The following DPY19L4 variants were observed in gnomAD, a reference collection of about 807,000 sequenced individuals.
The protein encoded by DPY19L4 is probable C-mannosyltransferase DPY19L4.
DPY19L4 carries 97 observed loss-of-function variants against 102.8 expected under a neutral mutation model. The ratio of observed to expected loss-of-function variants is 0.94; its 90% CI spans 0.80 to 1.12. The LOEUF is 1.12. Ranked by LOEUF, DPY19L4 falls within the 50% of genes most tolerant of loss-of-function variation. The pLI is 0.00. For missense variants in DPY19L4, 815 were observed against 850.4 expected (o/e 0.96, Z 0.52); for synonymous variants, 252 against 283.1 (o/e 0.89, Z 1.10).
intron 6 of DPY19L4, among the ~76,000 whole-genome samples, chr8:94,743,749 T>C (rs1248026360): frequency 6.6e-6 from 1 of 152,222 alleles, no homozygotes; most frequent in African/African-American, 2.4e-5. Flanking sequence ...CTCACGCCTG[T>C]AATCCCAACA....
chr8:94,767,671 A>G (rs1053415771), intron 11 of DPY19L4, among the ~76,000 whole-genome samples: 9 of 152,200 alleles, frequency 5.9e-5, no homozygotes, highest in Non-Finnish European at 1.0e-4. Flanking sequence ...TTTACATTTC[A>G]GATTTTATGA....
chr8:94,754,079 G>T (rs1048275225), intron 6 of DPY19L4, among the ~76,000 whole-genome samples: 4 of 152,084 alleles, frequency 2.6e-5, no homozygotes, highest in Non-Finnish European at 5.9e-5. Context: ...GCTACTTGGG[G>T]ATACTGAGGT....
chr8:94,721,153 T>C (rs1810443199), intron 1 of DPY19L4, among the ~76,000 whole-genome samples: 1 of 151,936 alleles, frequency 6.6e-6, no homozygotes, highest in East Asian at 1.9e-4. Context: ...TCCATGTTGG[T>C]CAGGCTGGTC....
rs1813831890 is a variant in DPY19L4 at position 94,790,115 on chromosome 8, T to C, written c.*205T>C. The C allele has an allele frequency of 4.6e-6, 2 of 439,460 alleles. No homozygotes were observed. The highest frequency in any genetic ancestry group is 8.6e-5 in the Admixed American group (2 of 23,282). 27.2% of individuals were successfully genotyped at this position (439,460 alleles called of 1,614,324 possible). A position where few individuals can be genotyped will look rare whatever the true frequency, so the allele number is the denominator to read the frequency against. On this transcript the variant is annotated 3_prime_UTR_variant, in exon 19 of 19. Transcript: ENST00000414645. Reference sequence around the variant, plus strand: ...TTTGATTAAATGTGATATCTACCACTCTGCAATATTCCAGACAGGTGTCTT... The same window carrying C: ...TTTGATTAAATGTGATATCTACCACCCTGCAATATTCCAGACAGGTGTCTT...
At chr8:94,735,523 A>G (rs893428471) in intron 3 of DPY19L4, among the ~76,000 whole-genome samples, 4 of 152,236 alleles carry the variant, frequency 2.6e-5, no homozygotes, top group African/African-American at 9.6e-5. Flanking sequence ...CAATGGATAT[A>G]TGATAGAATC....
At chr8:94,779,379 G>A (rs1389146621) in intron 14 of DPY19L4, among the ~76,000 whole-genome samples, 4 of 150,988 alleles carry the variant, frequency 2.6e-5, no homozygotes, top group African/African-American at 9.8e-5. Flanking sequence ...CTGGAGTGCA[G>A]TGGCACAGTC....
intron 16 of DPY19L4, 137 bp downstream of exon 16, chr8:94,781,303 G>T (rs987874848): frequency 1.6e-5 from 11 of 709,646 alleles, no homozygotes; most frequent in Non-Finnish European, 2.3e-5. Context: ...GGGATATTTA[G>T]ATTTTGGTTG....
chr8:94,768,379 T>C lies in DPY19L4; in HGVS notation c.1176-16T>C. The stretch of plus-strand genomic sequence containing the variant: ...AACGTCTATGAATTTAATATCATAC[T>C]TTTTGTCTTCTATAGGAATTTTACA... On this transcript the variant is annotated splice_polypyrimidine_tract_variant and intron_variant, in intron 11 of 18. Coordinates refer to ENST00000414645, the MANE Select transcript of DPY19L4 (RefSeq NM_181787.3). 6.3e-7 allele frequency: 1 copy of C among 1,579,574 alleles called. No individual in the cohort carries two copies. The highest frequency in any genetic ancestry group is 2.3e-5 in the East Asian group (1 of 44,250).
rs1810378828 is a variant in DPY19L4, at chr8:94,719,985, C to G, written c.-14C>G. The G allele has an allele frequency of 2.0e-6, 3 of 1,524,928 alleles. No individual in the cohort carries two copies. The highest frequency in any genetic ancestry group is 2.6e-6 in the Non-Finnish European group (3 of 1,137,380). 94.5% of individuals were successfully genotyped at this position (1,524,928 alleles called of 1,614,324 possible). ...GCGCGGGAGCCGCAGGGCGCCCTAG[C>G]CTTCGCAGAAACGATGGCGGAGGAA... On this transcript the variant is annotated 5_prime_UTR_variant, in exon 1 of 19. Coordinates refer to ENST00000414645, the MANE Select transcript of DPY19L4 (RefSeq NM_181787.3).
chr8:94,777,531 A>G, intron 13 of DPY19L4, 135 bp from the exon 14 acceptor site: 2 of 1,075,418 alleles, frequency 1.9e-6, no homozygotes. Context: ...GCTGAAAATT[A>G]GAGTCTAAGC....
chr8:94,773,737 T>G (rs1247660957), intron 13 of DPY19L4, among the ~76,000 whole-genome samples: 4 of 151,752 alleles, frequency 2.6e-5, no homozygotes, highest in Non-Finnish European at 5.9e-5. Context: ...GCCTTGTTTT[T>G]GTGTTTTTGA....
rs200560674 is a variant in DPY19L4, at chr8:94,779,985, G to GT, written c.1576-366dup. On this transcript the variant is annotated intron_variant, in intron 14 of 18. Coordinates refer to ENST00000414645, the MANE Select transcript of DPY19L4 (RefSeq NM_181787.3). The stretch of plus-strand genomic sequence containing the variant: ...GCTATTTTTCTTGTGTTAATTCATT[G>GT]TTTTTTTTGTTGTTAGCTTTTCATG... Among the ~76,000 whole-genome samples, 786 of 151,072 alleles carry GT rather than the reference G, an allele frequency of 5.2e-3. 11 individuals carry two copies. The highest frequency in any genetic ancestry group is 0.026 in the South Asian group (125 of 4,792).
At chr8:94,736,955 G>A (rs1025598817) in intron 3 of DPY19L4, among the ~76,000 whole-genome samples, 4 of 151,854 alleles carry the variant, frequency 2.6e-5, no homozygotes, top group Admixed American at 6.6e-5. Context: ...TAGATTTTCC[G>A]GATATATGTT....
chr8:94,786,784 G>A (rs968555976), intron 17 of DPY19L4, among the ~76,000 whole-genome samples: 1 of 152,160 alleles, frequency 6.6e-6, no homozygotes, highest in African/African-American at 2.4e-5. Context: ...CTGATCTCAA[G>A]TGATCCGCCT....
chr8:94,732,558 T>C (rs1436258378), intron 2 of DPY19L4, among the ~76,000 whole-genome samples: 1 of 152,104 alleles, frequency 6.6e-6, no homozygotes, highest in Non-Finnish European at 1.5e-5. Context: ...AAAAAAGAAA[T>C]AGTTTGTGTC....
chr8:94,760,350 C>G (rs1048954607), intron 7 of DPY19L4, among the ~76,000 whole-genome samples: 13 of 152,168 alleles, frequency 8.5e-5, no homozygotes, highest in African/African-American at 2.9e-4. Flanking sequence ...CTGGTTATTA[C>G]AGTTCTGTTT....
chr8:94,738,501 T>C, intron 4 of DPY19L4, 42 bp downstream of exon 4: 1 of 1,291,050 alleles, frequency 7.7e-7, no homozygotes, highest in Non-Finnish European at 1.1e-6. Context: ...AGTATTTTCC[T>C]TTTTCTTTTC....
Position 94,779,321 on chromosome 8 carries a change from C to CT in DPY19L4, c.1576-1025dup, listed in dbSNP as rs745357638. Among the ~76,000 whole-genome samples, 711 of 141,968 alleles carry CT rather than the reference C, an allele frequency of 5.0e-3. 4 individuals carry two copies. The highest frequency in any genetic ancestry group is 0.032 in the East Asian group (159 of 4,908). The allele number at this position is 141,968 out of a possible 152,430, so 93.1% of individuals were successfully genotyped here. A position where few individuals can be genotyped will look rare whatever the true frequency, so the allele number is the denominator to read the frequency against. On this transcript the variant is annotated intron_variant, in intron 14 of 18. Coordinates refer to ENST00000414645, the MANE Select transcript of DPY19L4 (RefSeq NM_181787.3). The stretch of plus-strand genomic sequence containing the variant: ...ATTCACACCCAGGATTTTCTTTTCT[C>CT]TTTTTTTTTTTTTCTTTTTGAGACA...
At chr8:94,720,077 G>A in intron 1 of DPY19L4, 63 bp downstream of exon 1, 1 of 1,507,090 alleles carries the variant, frequency 6.6e-7, no homozygotes, top group Non-Finnish European at 8.9e-7. Context: ...AGGGGCGGGG[G>A]CGCTGGAGGT....
Sources: allele counts gnomAD v4.1 joint callset (sites outside exome capture counted in the v4.1 genomes callset), GRCh38; gene constraint gnomAD v4.1.1; transcripts MANE v1.5; gene names NCBI Gene and HGNC (gene_info 2026-07-23, HGNC 2026-07-21).